Variants in SEMA5A observed in about 807,000 individuals in gnomAD.
SEMA5A encodes the protein semaphorin-5A.
A neutral mutation model predicts 135.5 loss-of-function variants in SEMA5A; 55 were observed. The ratio of observed to expected loss-of-function variants is 0.41; its 90% CI spans 0.33 to 0.51. The LOEUF is 0.51. Ranked by LOEUF, SEMA5A falls within the 20% of genes least tolerant of loss-of-function variation. SEMA5A has a pLI of 0.37. For missense variants in SEMA5A, 1,290 were observed against 1,419.9 expected (o/e 0.91, Z 1.47); for synonymous variants, 580 against 546.5 (o/e 1.06, Z -0.85).
At chr5:9,460,621 T>C (rs1237631713) in intron 1 of SEMA5A, among the ~76,000 whole-genome samples, 1 of 152,172 alleles carries the variant, frequency 6.6e-6, no homozygotes, top group Non-Finnish European at 1.5e-5. Context: ...ACTTCTCTAC[T>C]TTTTGGGAAA....
chr5:9,337,862 C>T (rs143296171), intron 3 of SEMA5A, 50 bp from the exon 4 acceptor site: 1 of 1,302,542 alleles, frequency 7.7e-7, no homozygotes, highest in South Asian at 1.3e-5. Context: ...ATTATTTTTC[C>T]TCTGGGGACC....
At chr5:9,094,305 A>G (rs1414241038) in intron 16 of SEMA5A, among the ~76,000 whole-genome samples, 4 of 102,902 alleles carry the variant, frequency 3.9e-5, no homozygotes, top group Admixed American at 3.4e-4. Context: ...TTCCACATGC[A>G]AAATTATTTC....
At chr5:9,421,196 C>A (rs1347428891) in intron 2 of SEMA5A, among the ~76,000 whole-genome samples, 5 of 152,162 alleles carry the variant, frequency 3.3e-5, no homozygotes, top group Non-Finnish European at 7.4e-5. Context: ...CAATAACATA[C>A]AAATACAGGT....
intron 1 of SEMA5A, among the ~76,000 whole-genome samples, chr5:9,440,636 A>C (rs191721422): frequency 1.8e-4 from 27 of 152,294 alleles, no homozygotes; most frequent in Admixed American, 1.5e-3. Context: ...GGCCACCTAC[A>C]CTCTTCAAAT....
chr5:9,355,051 G>T (rs1229724903), intron 3 of SEMA5A, among the ~76,000 whole-genome samples: 3 of 152,166 alleles, frequency 2.0e-5, no homozygotes, highest in Non-Finnish European at 4.4e-5. Context: ...CTATGGGAGA[G>T]GTTGGCAAAC....
chr5:9,153,044 G>A (rs1407535142), intron 12 of SEMA5A, among the ~76,000 whole-genome samples: 1 of 149,832 alleles, frequency 6.7e-6, no homozygotes, highest in Non-Finnish European at 1.5e-5. Context: ...CTCCAGCCTG[G>A]GTTACAGAGC....
intron 1 of SEMA5A, among the ~76,000 whole-genome samples, chr5:9,515,615 T>G (rs1037411159): frequency 1.3e-5 from 2 of 152,118 alleles, no homozygotes; most frequent in African/African-American, 4.8e-5. Context: ...ATGACAGATA[T>G]GTTCTGTCAC....
chr5:9,278,277 A>T (rs1304668793), intron 5 of SEMA5A, among the ~76,000 whole-genome samples: 4 of 152,142 alleles, frequency 2.6e-5, no homozygotes, highest in Non-Finnish European at 4.4e-5. Flanking sequence ...GAGAGAGATT[A>T]CTTAGGGTAT....
chr5:9,314,855 G>A (rs756296012), intron 5 of SEMA5A, among the ~76,000 whole-genome samples: 1 of 152,046 alleles, frequency 6.6e-6, no homozygotes, highest in Non-Finnish European at 1.5e-5. Context: ...CATTAGAGCC[G>A]CATTTTTAAA....
chr5:9,325,703 C>G (rs1386674837), intron 4 of SEMA5A, among the ~76,000 whole-genome samples: 1 of 152,114 alleles, frequency 6.6e-6, no homozygotes, highest in Non-Finnish European at 1.5e-5. Context: ...CTCATTTCAT[C>G]TAGAGACACT....
At chr5:9,338,141 T>C (rs900780634) in intron 3 of SEMA5A, among the ~76,000 whole-genome samples, 1 of 152,206 alleles carries the variant, frequency 6.6e-6, no homozygotes, top group Non-Finnish European at 1.5e-5. Flanking sequence ...ATCAGAGGAA[T>C]ACTGAATGCA....
chr5:9,424,926 T>C (rs1442817959), intron 2 of SEMA5A, among the ~76,000 whole-genome samples: 2 of 152,192 alleles, frequency 1.3e-5, no homozygotes, highest in Admixed American at 6.5e-5. Flanking sequence ...CTAGCTACCC[T>C]GGAATCCATT....
At chr5:9,049,943 A>G (rs527917134) in intron 21 of SEMA5A, among the ~76,000 whole-genome samples, 1 of 152,360 alleles carries the variant, frequency 6.6e-6, no homozygotes, top group African/African-American at 2.4e-5. Flanking sequence ...AGTGGGTTGG[A>G]GATTGGAAGC....
chr5:9,419,056 GGTAA>G (rs1757376601), intron 2 of SEMA5A, among the ~76,000 whole-genome samples: 1 of 151,962 alleles, frequency 6.6e-6, no homozygotes, highest in South Asian at 2.1e-4. Context: ...CAGAGATTTT[GGTAA>G]GTTGTGTCCT....
At chr5:9,468,770 A>G (rs1004075377) in intron 1 of SEMA5A, among the ~76,000 whole-genome samples, 3 of 152,254 alleles carry the variant, frequency 2.0e-5, no homozygotes, top group Non-Finnish European at 4.4e-5. Context: ...TAGTATCACA[A>G]CACCAGATAA....
At chr5:9,507,602 T>C (rs1419325367) in intron 1 of SEMA5A, among the ~76,000 whole-genome samples, 1 of 152,016 alleles carries the variant, frequency 6.6e-6, no homozygotes, top group Non-Finnish European at 1.5e-5. Context: ...TCTCAGTCAG[T>C]GTAAGAGAGA....
At chr5:9,304,189 T>C (rs960838357) in intron 5 of SEMA5A, among the ~76,000 whole-genome samples, 19 of 152,154 alleles carry the variant, frequency 1.2e-4, no homozygotes, top group African/African-American at 4.1e-4. Flanking sequence ...TTGTTGTCTA[T>C]ATAATTTCCA....
intron 11 of SEMA5A, among the ~76,000 whole-genome samples, chr5:9,170,110 C>A (rs1434722009): frequency 6.6e-6 from 1 of 152,080 alleles, no homozygotes; most frequent in African/African-American, 2.4e-5. Flanking sequence ...TGACAATGCC[C>A]CCCTTTTCTA....
chr5:9,434,255 C>T (rs1009352323), intron 2 of SEMA5A, among the ~76,000 whole-genome samples: 17 of 152,056 alleles, frequency 1.1e-4, no homozygotes, highest in Non-Finnish European at 1.8e-4. Flanking sequence ...AAGCAGTATG[C>T]AGAATTTTAT....
Sources: allele counts gnomAD v4.1 joint callset (sites outside exome capture counted in the v4.1 genomes callset), GRCh38; gene constraint gnomAD v4.1.1; transcripts MANE v1.5; gene names NCBI Gene and HGNC (gene_info 2026-07-23, HGNC 2026-07-21).